BANK1: variants seen among roughly 807,000 people sequenced by gnomAD.
The protein encoded by BANK1 is B cell scaffold protein with ankyrin repeats 1.
Under a neutral mutation model 94.5 loss-of-function variants are expected in BANK1, and 95 were observed. The observed-to-expected ratio is 1.00, with a 90% confidence interval of 0.85 to 1.19. BANK1 has a LOEUF of 1.19. BANK1 is among the 50% of genes most tolerant of loss of function. The probability of loss-of-function intolerance (pLI) is 0.00; values close to 1 mark genes in which losing one functional copy is unlikely to be tolerated. For missense variants in BANK1, 987 were observed against 932.2 expected (o/e 1.06, Z -0.77); for synonymous variants, 334 against 308.4 (o/e 1.08, Z -0.87).
At chr4:101,826,281 G>A (rs749508040) in intron 1 of BANK1, among the ~76,000 whole-genome samples, 3 of 151,826 alleles carry the variant, frequency 2.0e-5, no homozygotes, top group Admixed American at 2.0e-4. Context: ...TAATATTATT[G>A]TGTCCTTTGC....
chr4:101,901,427 T>C (rs1195225382), intron 6 of BANK1, among the ~76,000 whole-genome samples: 1 of 152,210 alleles, frequency 6.6e-6, no homozygotes, highest in Non-Finnish European at 1.5e-5. Flanking sequence ...TTTTGCTCAT[T>C]TTCCAATGTA....
At chr4:101,987,933 C>T (rs543340080) in intron 7 of BANK1, among the ~76,000 whole-genome samples, 1 of 152,260 alleles carries the variant, frequency 6.6e-6, no homozygotes, top group South Asian at 2.1e-4. Flanking sequence ...GTGCAAGATT[C>T]TCCACATCCC....
rs57496270 is a variant in BANK1, at chr4:101,965,339, TAA to T, written c.1206+47162_1206+47163del. 6.5e-3 allele frequency among the ~76,000 whole-genome samples: 903 copies of T among 139,302 alleles called. 15 individuals are homozygous for T. The highest frequency in any genetic ancestry group is 0.06 in the East Asian group (283 of 4,732). The allele number at this position is 139,302 out of a possible 152,430, so 91.4% of individuals were successfully genotyped here. A position where few individuals can be genotyped will look rare whatever the true frequency, so the allele number is the denominator to read the frequency against. On this transcript the variant is annotated intron_variant, in intron 7 of 16. Coordinates refer to ENST00000322953, the MANE Select transcript of BANK1 (RefSeq NM_017935.5). ...ATGTCTGCATTTATAACCACCTAAA[TAA>T]AAAAAAAAAAACAGTGACACAAAAC...
rs751084234 is a variant in BANK1, at chr4:102,055,667, T to C, written c.1970-4544T>C. 4.2e-4 allele frequency among the ~76,000 whole-genome samples: 64 copies of C among 152,230 alleles called. 1 individual carries two copies. Among genetic ancestry groups the C allele is most frequent in the Middle Eastern group, 3.4e-3 (1 of 294 alleles). ...TTAATACATAATTCACTTTTTTATATACCAGAAATATTAGTTTGGCGACAT... is the reference window on the plus strand; with the variant it reads ...TTAATACATAATTCACTTTTTTATACACCAGAAATATTAGTTTGGCGACAT... On this transcript the variant is annotated intron_variant, in intron 11 of 16. Coordinates refer to ENST00000322953, the MANE Select transcript of BANK1 (RefSeq NM_017935.5).
intron 6 of BANK1, among the ~76,000 whole-genome samples, chr4:101,914,271 C>T (rs1722756834): frequency 6.6e-6 from 1 of 152,082 alleles, no homozygotes; most frequent in Non-Finnish European, 1.5e-5. Flanking sequence ...GAGAAGCTCT[C>T]ATAAGTCATA....
At chr4:102,023,797 G>A (rs926276961) in intron 8 of BANK1, among the ~76,000 whole-genome samples, 4 of 152,194 alleles carry the variant, frequency 2.6e-5, no homozygotes, top group African/African-American at 9.7e-5. Flanking sequence ...TAGCGTGAAT[G>A]TAATTCTGAG....
chr4:101,986,806 T>TATATGTATATATATGTGTATAC (rs1385708913), intron 7 of BANK1, among the ~76,000 whole-genome samples: 2 of 96,842 alleles, frequency 2.1e-5, no homozygotes, highest in African/African-American at 8.3e-5. Flanking sequence ...TATGTGTATA[T>TATATGTATATATATGTGTATAC]ATATGTATAT....
At chr4:101,894,215 G>C (rs2148890627) in intron 5 of BANK1, among the ~76,000 whole-genome samples, 1 of 152,050 alleles carries the variant, frequency 6.6e-6, no homozygotes. Context: ...AGAGCTTTTT[G>C]TCACATTTTC....
chr4:102,046,042 A>G (rs1397704463), intron 11 of BANK1, among the ~76,000 whole-genome samples: 1 of 149,822 alleles, frequency 6.7e-6, no homozygotes, highest in African/African-American at 2.5e-5. Flanking sequence ...ACTTCAAACT[A>G]TACTACAAGG....
intron 2 of BANK1, among the ~76,000 whole-genome samples, chr4:101,847,588 G>C (rs985778965): frequency 2.0e-5 from 3 of 151,968 alleles, no homozygotes; most frequent in Non-Finnish European, 4.4e-5. Context: ...TCTCCTCGCA[G>C]CTTAGCTCCC....
intron 7 of BANK1, among the ~76,000 whole-genome samples, chr4:101,993,769 G>A (rs1725785980): frequency 6.6e-6 from 1 of 152,138 alleles, no homozygotes; most frequent in African/African-American, 2.4e-5. Flanking sequence ...TTAAAAAGCT[G>A]GCACAACACA....
At chr4:101,960,365 C>T (rs528776040) in intron 7 of BANK1, among the ~76,000 whole-genome samples, 2 of 152,068 alleles carry the variant, frequency 1.3e-5, no homozygotes, top group African/African-American at 4.8e-5. Context: ...AGATTAAAGG[C>T]CAAAAACAGT....
chr4:101,948,911 G>C (rs1724035895), intron 7 of BANK1, among the ~76,000 whole-genome samples: 1 of 152,040 alleles, frequency 6.6e-6, no homozygotes, highest in South Asian at 2.1e-4. Context: ...TTGATATTTT[G>C]TTAATCATGG....
chr4:101,986,875 G>T (rs2851322), intron 7 of BANK1, among the ~76,000 whole-genome samples: 1 of 58,928 alleles, frequency 1.7e-5, no homozygotes, highest in Non-Finnish European at 3.1e-5. Context: ...ATGTGTGTAT[G>T]TGTGTGTGTG....
chr4:101,827,623 T>A (rs1726415081), intron 1 of BANK1, among the ~76,000 whole-genome samples: 1 of 151,990 alleles, frequency 6.6e-6, no homozygotes, highest in Admixed American at 6.6e-5. Flanking sequence ...CAACTCACCC[T>A]ATTCTTTTTC....
intron 5 of BANK1, among the ~76,000 whole-genome samples, chr4:101,878,939 A>T (rs376131683): frequency 3.3e-5 from 5 of 152,202 alleles, no homozygotes; most frequent in African/African-American, 1.2e-4. Context: ...AATCTATGAG[A>T]TACAGCAAAA....
rs1050872941 is a variant in BANK1, at chr4:101,928,532, C to T, written c.1206+10343C>T. ...GATTTCAGCCTAAGCAAGAACACTTCTCCCTTTGTTAGTGTTTAATTTTCT... is the reference window on the plus strand; with the variant it reads ...GATTTCAGCCTAAGCAAGAACACTTTTCCCTTTGTTAGTGTTTAATTTTCT... On this transcript the variant is annotated intron_variant, in intron 7 of 16. Transcript: ENST00000322953. Among the ~76,000 whole-genome samples, 3 of 151,728 alleles carry T rather than the reference C, an allele frequency of 2.0e-5. No individual in the cohort carries two copies. The East Asian group carries it at 5.8e-4, about 30-fold the overall frequency.
At chr4:101,983,771 A>G (rs1041461064) in intron 7 of BANK1, among the ~76,000 whole-genome samples, 1 of 152,130 alleles carries the variant, frequency 6.6e-6, no homozygotes, top group African/African-American at 2.4e-5. Flanking sequence ...AGCTGAAAGC[A>G]TTAGATTTGT....
At chr4:101,918,835 T>C (rs993128029) in intron 7 of BANK1, among the ~76,000 whole-genome samples, 3 of 151,966 alleles carry the variant, frequency 2.0e-5, no homozygotes, top group African/African-American at 7.2e-5. Flanking sequence ...TTTATTCTGA[T>C]TGTCAGATTA....
Sources: allele counts gnomAD v4.1 joint callset (sites outside exome capture counted in the v4.1 genomes callset), GRCh38; gene constraint gnomAD v4.1.1; transcripts MANE v1.5; gene names NCBI Gene and HGNC (gene_info 2026-07-23, HGNC 2026-07-21).